The following RTL4 variants were observed in gnomAD, a reference collection of about 807,000 sequenced individuals.
RTL4 encodes the protein retrotransposon Gag like 4.
A neutral mutation model predicts 5.3 loss-of-function variants in RTL4; 4 were observed. The ratio of observed to expected loss-of-function variants is 0.75; its 90% CI spans 0.37 to 1.72. The LOEUF (loss-of-function observed/expected upper bound fraction) is 1.72, where lower values mean the gene tolerates loss of function less well. Ranked by LOEUF, RTL4 falls within the 40% of genes most tolerant of loss-of-function variation. RTL4 has a pLI of 0.04. For synonymous variants in RTL4, 98 were observed against 87.3 expected, an observed-to-expected ratio of 1.12 and a Z score of -0.68; for missense variants, 260 against 227.1, an observed-to-expected ratio of 1.14 and a Z score of -0.93.
chrX:112,120,466 C>T, the RTL4 span, among the ~76,000 whole-genome samples: 1 of 110,327 alleles, frequency 9.1e-6, no homozygotes, highest in Non-Finnish European at 1.9e-5. Context: ...TTAGTAGAGA[C>T]GGGGTTTCAC....
At chrX:112,388,517 T>C in the RTL4 span, among the ~76,000 whole-genome samples, 1 of 112,461 alleles carries the variant, frequency 8.9e-6, no homozygotes, top group Non-Finnish European at 1.9e-5. Flanking sequence ...CTTCCAGTTT[T>C]TACCCATTCA....
At chrX:112,165,139 C>T in the RTL4 span, among the ~76,000 whole-genome samples, 1 of 111,902 alleles carries the variant, frequency 8.9e-6, no homozygotes, top group Non-Finnish European at 1.9e-5. Flanking sequence ...GCGGTCATGG[C>T]TATCCTTCAC....
At chrX:112,237,164 T>C in the RTL4 span, among the ~76,000 whole-genome samples, 4 of 112,294 alleles carry the variant, frequency 3.6e-5, no homozygotes, top group African/African-American at 9.7e-5. Context: ...TCCTCTTCTC[T>C]TGATTAGGAC....
the RTL4 span, among the ~76,000 whole-genome samples, chrX:112,419,031 GATATATATATATAT>G: frequency 1.1e-5 from 1 of 89,677 alleles, no homozygotes; most frequent in African/African-American, 4.1e-5. Flanking sequence ...TTTCACATAA[GATATATATATATAT>G]ATATATATAT....
the RTL4 span, among the ~76,000 whole-genome samples, chrX:112,095,910 A>C: frequency 1.2e-4 from 13 of 111,964 alleles, no homozygotes; most frequent in African/African-American, 3.9e-4. Flanking sequence ...GAAGTTGAGC[A>C]CTTAAAGTTT....
the RTL4 span, among the ~76,000 whole-genome samples, chrX:112,276,659 G>A: frequency 9.0e-6 from 1 of 111,612 alleles, no homozygotes; most frequent in East Asian, 2.8e-4. Flanking sequence ...AGGGCTCAAA[G>A]ACCAAATTAA....
the RTL4 span, among the ~76,000 whole-genome samples, chrX:112,099,303 G>A: frequency 2.7e-5 from 3 of 111,793 alleles, no homozygotes; most frequent in Non-Finnish European, 3.8e-5. Flanking sequence ...GTCACTACAT[G>A]CATTAGTGCT....
the RTL4 span, among the ~76,000 whole-genome samples, chrX:112,104,383 A>G: frequency 8.9e-6 from 1 of 112,369 alleles, no homozygotes; most frequent in Non-Finnish European, 1.9e-5. Flanking sequence ...GCTCTTCAGC[A>G]TACTGATTTC....
the RTL4 span, among the ~76,000 whole-genome samples, chrX:112,318,718 T>C: frequency 9.0e-6 from 1 of 111,315 alleles, no homozygotes; most frequent in Admixed American, 9.6e-5. Flanking sequence ...GTGGAAACAT[T>C]ATAGATGATG....
chrX:112,455,941 A>G, exon 1 of RTL4: 1 of 343,601 alleles, frequency 2.9e-6, no homozygotes. Flanking sequence ...AACTTTGCCC[A>G]GTCTGAGCCA....
the RTL4 span, among the ~76,000 whole-genome samples, chrX:112,328,071 A>C: frequency 9.2e-6 from 1 of 109,202 alleles, no homozygotes; most frequent in African/African-American, 3.4e-5. Flanking sequence ...TGTAAAGACC[A>C]TCGAGACTAG....
chrX:112,095,442 A>C, the RTL4 span, among the ~76,000 whole-genome samples: 1 of 112,017 alleles, frequency 8.9e-6, no homozygotes, highest in Admixed American at 9.5e-5. Context: ...AGATACAGTG[A>C]AGGAAAATGG....
At chrX:112,115,114 A>G in the RTL4 span, among the ~76,000 whole-genome samples, 16,304 of 109,988 alleles carry the variant, frequency 0.15, 1,783 homozygotes, top group African/African-American at 0.38. Flanking sequence ...TGCGGTTCTG[A>G]TTTGTTTTTC....
At chrX:112,183,272 C>T in the RTL4 span, among the ~76,000 whole-genome samples, 1 of 111,857 alleles carries the variant, frequency 8.9e-6, no homozygotes, top group African/African-American at 3.3e-5. Flanking sequence ...GCAAAATAAC[C>T]AGCTAGCATC....
the RTL4 span, among the ~76,000 whole-genome samples, chrX:112,337,776 C>T: frequency 2.7e-5 from 3 of 110,981 alleles, no homozygotes; most frequent in Non-Finnish European, 5.7e-5. Flanking sequence ...TTTCTACTGT[C>T]AGCTCATTGG....
chrX:112,167,256 T>C, the RTL4 span, among the ~76,000 whole-genome samples: 4 of 111,590 alleles, frequency 3.6e-5, no homozygotes, highest in South Asian at 1.5e-3. Flanking sequence ...GCTGGTTAGG[T>C]TTACTAATTC....
the RTL4 span, among the ~76,000 whole-genome samples, chrX:112,295,573 C>T: frequency 2.6e-4 from 29 of 112,572 alleles, no homozygotes; most frequent in African/African-American, 9.3e-4. Context: ...CTGCTGGTAG[C>T]CCACACAAGG....
chrX:112,206,602 C>A, the RTL4 span, among the ~76,000 whole-genome samples: 1 of 110,815 alleles, frequency 9.0e-6, no homozygotes, highest in Non-Finnish European at 1.9e-5. Flanking sequence ...GTTGGGGTTC[C>A]TCAGGGCTTC....
At chrX:112,244,626 G>A in the RTL4 span, among the ~76,000 whole-genome samples, 1 of 111,640 alleles carries the variant, frequency 9.0e-6, no homozygotes, top group Non-Finnish European at 1.9e-5. Flanking sequence ...ATAGCACACT[G>A]ATGGGTCTTG....
Sources: gnomAD v4.1 joint callset for allele counts (sites outside exome capture counted in the v4.1 genomes callset) on GRCh38, gnomAD v4.1.1 for gene constraint, MANE v1.5 for transcripts, NCBI Gene and HGNC (gene_info 2026-07-23, HGNC 2026-07-21) for gene names.